The following PPP2CB variants were observed in gnomAD, a reference collection of about 807,000 sequenced individuals.
PPP2CB encodes serine/threonine-protein phosphatase 2A catalytic subunit beta isoform.
Under a neutral mutation model 39.1 loss-of-function variants are expected in PPP2CB, and 18 were observed. That is an observed-to-expected ratio of 0.46 (90% CI 0.32 to 0.68). The LOEUF is 0.68. Ranked by LOEUF, PPP2CB falls within the 30% of genes least tolerant of loss-of-function variation. The pLI is 0.04. For missense variants in PPP2CB, 226 were observed against 396.9 expected, an observed-to-expected ratio of 0.57 and a Z score of 3.66; for synonymous variants, 129 against 133.8, an observed-to-expected ratio of 0.96 and a Z score of 0.25.
At chr8:30,803,131 C>T (rs1056514608) in intron 1 of PPP2CB, among the ~76,000 whole-genome samples, 1 of 152,190 alleles carries the variant, frequency 6.6e-6, no homozygotes, top group African/African-American at 2.4e-5. Context: ...ATCAGACGAA[C>T]AGTTCCTAGG....
At chr8:30,791,892 A>C (rs910281507) in intron 5 of PPP2CB, among the ~76,000 whole-genome samples, 1 of 151,262 alleles carries the variant, frequency 6.6e-6, no homozygotes, top group African/African-American at 2.4e-5. Context: ...ATATGTATAC[A>C]TGTGTATATA....
intron 1 of PPP2CB, among the ~76,000 whole-genome samples, 166 bp downstream of exon 1, chr8:30,812,154 T>G (rs1012879963): frequency 1.3e-5 from 2 of 151,704 alleles, no homozygotes; most frequent in Non-Finnish European, 2.9e-5. Context: ...CCCCGGGCCC[T>G]GAACCGATGG....
intron 5 of PPP2CB, chr8:30,793,428 A>G (rs1354436160): frequency 6.6e-6 from 1 of 152,584 alleles, no homozygotes; most frequent in African/African-American, 2.4e-5. Flanking sequence ...AAATTTGAAT[A>G]AAGTGTTCAT....
At chr8:30,805,237 G>C (rs537675248) in intron 1 of PPP2CB, among the ~76,000 whole-genome samples, 1 of 152,112 alleles carries the variant, frequency 6.6e-6, no homozygotes, top group Admixed American at 6.5e-5. Context: ...TCTTTTAAAC[G>C]AAGATGAAAA....
At chr8:30,807,497 T>A (rs765569986) in intron 1 of PPP2CB, among the ~76,000 whole-genome samples, 6 of 152,228 alleles carry the variant, frequency 3.9e-5, no homozygotes, top group Non-Finnish European at 8.8e-5. Flanking sequence ...CAGTTCAATA[T>A]AAAATTTACA....
In PPP2CB at chr8:30,794,759, T is replaced by C. The variant is rs908271048; in HGVS notation, c.487-478A>G. Reference sequence around the variant, plus strand: ...CTAGGATTACAGGTGCATGCCACTGTACCCAGCTGTCATTACAGCTTCTGT... The same window carrying C: ...CTAGGATTACAGGTGCATGCCACTGCACCCAGCTGTCATTACAGCTTCTGT... On this transcript the variant is annotated intron_variant, in intron 3 of 6. Coordinates refer to ENST00000221138, the MANE Select transcript of PPP2CB (RefSeq NM_001009552.2). Among the ~76,000 whole-genome samples, 8 of 152,154 alleles carry C rather than the reference T, an allele frequency of 5.3e-5. No individual in the cohort carries two copies. The East Asian group carries it at 7.7e-4, about 15-fold the overall frequency.
chr8:30,812,268 G>C, intron 1 of PPP2CB, 52 bp downstream of exon 1: 1 of 1,350,420 alleles, frequency 7.4e-7, no homozygotes. Flanking sequence ...GCAGGAAAGC[G>C]GCGGCCCGTC....
chr8:30,794,500 CCCTT>C (rs1209294074), intron 3 of PPP2CB: 3 of 456,538 alleles, frequency 6.6e-6, no homozygotes, highest in South Asian at 3.0e-5. Context: ...CTCCCTCCCT[CCCTT>C]CCTTTTCTCT....
Position 30,812,466 on chromosome 8 carries a change from C to A in PPP2CB, c.-45G>T. The A allele has an allele frequency of 7.2e-7, 1 of 1,383,272 alleles. No homozygotes were observed. Among genetic ancestry groups the A allele is most frequent in the Non-Finnish European group, 9.6e-7 (1 of 1,042,582 alleles). The allele number at this position is 1,383,272 out of a possible 1,614,324, so 85.7% of individuals were successfully genotyped here. The stretch of plus-strand genomic sequence containing the variant: ...GGATCCCGAGCCCCAGCCCGGCCGC[C>A]GCCCTCCCCCCTCCCCACCCGCCCC... On this transcript the variant is annotated 5_prime_UTR_variant, in exon 1 of 7. Coordinates refer to ENST00000221138, the MANE Select transcript of PPP2CB (RefSeq NM_001009552.2).
chr8:30,806,583 A>G (rs933154102), intron 1 of PPP2CB, among the ~76,000 whole-genome samples: 3 of 152,240 alleles, frequency 2.0e-5, no homozygotes, highest in African/African-American at 7.2e-5. Context: ...TGTAACTTTA[A>G]TATCATTCTT....
rs115874777 is a variant in PPP2CB at position 30,800,933 on chromosome 8, G to A, written c.103-1178C>T. Among the ~76,000 whole-genome samples the A allele has an allele frequency of 9.9e-3, 1,506 of 151,998 alleles. 28 individuals are homozygous for A. The highest frequency in any genetic ancestry group is 0.035 in the African/African-American group (1,435 of 41,478). The stretch of plus-strand genomic sequence containing the variant: ...TAGCTAAAACACAGGGCAGCCTGGC[G>A]CGGTGGCTCATGCCTGTAATTCCAG... On this transcript the variant is annotated intron_variant, in intron 1 of 6. Coordinates refer to ENST00000221138, the MANE Select transcript of PPP2CB (RefSeq NM_001009552.2).
At chr8:30,807,625 C>T (rs1806745636) in intron 1 of PPP2CB, among the ~76,000 whole-genome samples, 1 of 152,212 alleles carries the variant, frequency 6.6e-6, no homozygotes, top group Non-Finnish European at 1.5e-5. Flanking sequence ...AAAGAATCAT[C>T]ACCAAGGTTC....
intron 6 of PPP2CB, chr8:30,790,877 C>T (rs1162867459): frequency 1.4e-5 from 3 of 220,778 alleles, no homozygotes; most frequent in Non-Finnish European, 2.6e-5. Context: ...CGCCTGTAGT[C>T]GTTTCTGTGA....
At chr8:30,810,361 G>A (rs998111677) in intron 1 of PPP2CB, 1 of 152,308 alleles carries the variant, frequency 6.6e-6, no homozygotes, top group East Asian at 1.9e-4. Flanking sequence ...TGAGGCAGGA[G>A]GATCCCTCGA....
At chr8:30,804,986 C>T (rs1010301129) in intron 1 of PPP2CB, among the ~76,000 whole-genome samples, 5 of 152,090 alleles carry the variant, frequency 3.3e-5, no homozygotes, top group South Asian at 2.1e-4. Flanking sequence ...GTTCATTAAT[C>T]GTGTCCCCTC....
chr8:30,802,496 T>C (rs1806643076), intron 1 of PPP2CB, among the ~76,000 whole-genome samples: 1 of 152,100 alleles, frequency 6.6e-6, no homozygotes, highest in Admixed American at 6.6e-5. Flanking sequence ...ACAAATTTTC[T>C]TTGAGACAGG....
At chr8:30,804,395 C>T (rs965051409) in intron 1 of PPP2CB, among the ~76,000 whole-genome samples, 2 of 152,152 alleles carry the variant, frequency 1.3e-5, no homozygotes, top group Non-Finnish European at 2.9e-5. Context: ...GGGCTCTGAC[C>T]TGCGGACCAT....
At chr8:30,786,436 G>A in intron 6 of PPP2CB, 129 bp from the exon 7 acceptor site, 1 of 699,488 alleles carries the variant, frequency 1.4e-6, no homozygotes, top group Non-Finnish European at 2.3e-6. Context: ...ACTTACGGCT[G>A]GAATGGCCAT....
At chr8:30,791,409 C>T (rs1157966163) in intron 5 of PPP2CB, 94 bp from the exon 6 acceptor site, 10 of 868,976 alleles carry the variant, frequency 1.2e-5, no homozygotes, top group Non-Finnish European at 1.9e-5. Flanking sequence ...ACTACAGGTA[C>T]TCTCTGTGGA....
Sources: allele counts gnomAD v4.1 joint callset (sites outside exome capture counted in the v4.1 genomes callset), GRCh38; gene constraint gnomAD v4.1.1; transcripts MANE v1.5; gene names NCBI Gene and HGNC (gene_info 2026-07-23, HGNC 2026-07-21).